The following AIRE variants were observed in gnomAD, a reference collection of about 807,000 sequenced individuals.
AIRE encodes autoimmune polyendocrinopathy candidiasis ectodermal dystrophy protein.
Under a neutral mutation model 62.1 loss-of-function variants are expected in AIRE, and 52 were observed. That is an observed-to-expected ratio of 0.84 (90% CI 0.67 to 1.06). The LOEUF (loss-of-function observed/expected upper bound fraction) is 1.06. Among genes scored for constraint, AIRE ranks in the 50% least tolerant of loss-of-function variants. AIRE has a pLI of 0.00. For missense variants in AIRE, 774 were observed against 755.8 expected, an observed-to-expected ratio of 1.02 and a Z score of -0.28; for synonymous variants, 342 against 321.6, an observed-to-expected ratio of 1.06 and a Z score of -0.68.
chr21:44,293,677 A>G lies in AIRE; in HGVS notation c.1279-112A>G. 3.3e-6 allele frequency: 5 copies of G among 1,517,550 alleles called. No homozygotes were observed. The Middle Eastern group carries it at 7.0e-4, about 213-fold the overall frequency. 94.0% of individuals were successfully genotyped at this position (1,517,550 alleles called of 1,614,324 possible). A position where few individuals can be genotyped will look rare whatever the true frequency, so the allele number is the denominator to read the frequency against. ...CGTGAGGCTCCTCACTTGCGCCTAGACCCGCCGTCCAGCCCTGGGTGGTCC... is the reference window on the plus strand; with the variant it reads ...CGTGAGGCTCCTCACTTGCGCCTAGGCCCGCCGTCCAGCCCTGGGTGGTCC... On this transcript the variant is annotated intron_variant, in intron 10 of 13. Transcript: ENST00000291582.
At chr21:44,289,067 C>T (rs974773028) in intron 5 of AIRE, 1 of 166,622 alleles carries the variant, frequency 6.0e-6, no homozygotes, top group Admixed American at 5.5e-5. Context: ...GGTCTTGCAC[C>T]TCTGGATGGT....
intron 5 of AIRE, chr21:44,288,670 C>T: frequency 1.8e-6 from 1 of 564,992 alleles, no homozygotes; most frequent in Non-Finnish European, 3.2e-6. Context: ...GGCCAGCGGT[C>T]CAGGCCCACA....
rs1942959342 is a variant in AIRE at position 44,286,031 on chromosome 21, C to T, written c.25C>T (p.Arg9Trp). The change falls in exon 1 of 14, where the codon CGG becomes TGG. Residue 9 changes from arginine (R) to tryptophan (W), a missense_variant. Transcript: ENST00000291582. The surrounding 1 kb of genome is among the most constrained non-coding windows in gnomAD (Gnocchi z 6.0). ...CATGGCGACGGACGCGGCGCTACGC[C>T]GGCTTCTGAGGCTGCACCGCACGGA... MATDAALR[R>W]LLRLHRTEIA... 6.5e-7 allele frequency: 1 copy of T among 1,535,698 alleles called. No homozygotes were observed. Among genetic ancestry groups the T allele is most frequent in the Non-Finnish European group, 8.7e-7 (1 of 1,145,038 alleles).
Position 44,287,076 on chromosome 21 carries a change from G to A in AIRE, c.406G>A (p.Glu136Lys). ...PRLPTKRKAS[E>K]EARAAAPAAL... ...ACTCCCCACCAAGAGGAAGGCCTCA[G>A]AAGAGGCTCGAGCTGCCGCGCCAGC... The change falls in exon 3 of 14, where the codon GAA becomes AAA. Residue 136 changes from glutamate (E) to lysine (K), a missense_variant. This residue lies in a region of AIRE where 385 missense variants were observed against 396.0 expected (regional missense o/e 0.97). Coordinates refer to ENST00000291582, the MANE Select transcript of AIRE (RefSeq NM_000383.4). The surrounding 1 kb of genome is among the most constrained non-coding windows in gnomAD (Gnocchi z 4.3). 1 of 1,612,454 alleles carries A rather than the reference G, an allele frequency of 6.2e-7. No individual in the cohort carries two copies. The highest frequency in any genetic ancestry group is 8.5e-7 in the Non-Finnish European group (1 of 1,179,858).
chr21:44,289,622 C>G, intron 5 of AIRE, 35 bp from the exon 6 acceptor site: 1 of 1,611,746 alleles, frequency 6.2e-7, no homozygotes, highest in Non-Finnish European at 8.5e-7. Context: ...TCCTGCTGGG[C>G]GGGTGAGCCA....
Position 44,294,495 on chromosome 21 carries a change from C to A in AIRE, c.1495C>A (p.Pro499Thr). 6.6e-7 allele frequency: 1 copy of A among 1,509,126 alleles called. No homozygotes were observed. Among genetic ancestry groups the A allele is most frequent in the South Asian group, 1.2e-5 (1 of 80,616 alleles). The allele number at this position is 1,509,126 out of a possible 1,614,324, so 93.5% of individuals were successfully genotyped here. Residue 499 changes from proline (P) to threonine (T), a missense_variant, in exon 12 of 14, where the codon CCT becomes ACT. Coordinates refer to ENST00000291582, the MANE Select transcript of AIRE (RefSeq NM_000383.4). Reference sequence around the variant, plus strand: ...CAGCCCCGCCCGCCTGGCCCCTGGGCCTGCCAAGGTCAGTGCCGCAGGGGC... The same window carrying A: ...CAGCCCCGCCCGCCTGGCCCCTGGGACTGCCAAGGTCAGTGCCGCAGGGGC... ...APSPARLAPG[P>T]AKDDTASHEP...
At position 44,286,192 on chromosome 21, in the gene AIRE, TC is replaced by T. The variant is rs1431916622; in HGVS notation, c.132+58del. 6.8e-7 allele frequency: 1 copy of T among 1,472,986 alleles called. No individual in the cohort carries two copies. The allele number at this position is 1,472,986 out of a possible 1,614,324, so 91.2% of individuals were successfully genotyped here. ...CCCAGGCCCTGTGAGCCAGGGATAGTCCCCGGGGAAGTTCCAGGAGGACCCC... is the reference window on the plus strand; with the variant it reads ...CCCAGGCCCTGTGAGCCAGGGATAGTCCCGGGGAAGTTCCAGGAGGACCCC... On this transcript the variant is annotated intron_variant, in intron 1 of 13. Transcript: ENST00000291582. The surrounding 1 kb of genome is among the most constrained non-coding windows in gnomAD (Gnocchi z 6.0).
At position 44,289,711 on chromosome 21, in the gene AIRE, T is replaced by A; in HGVS notation, c.707T>A (p.Phe236Tyr). ...GGGGAGTTCTACACTCCCAGCAAGT[T>A]CGAAGACTCCGGCAGTGGGAAGAAC... ...VGGEFYTPSK[F>Y]EDSGSGKNKA... The change falls in exon 6 of 14, where the codon TTC becomes TAC. Residue 236 changes from phenylalanine (F) to tyrosine (Y), a missense_variant. Physicochemically the swap from Phe to Tyr is conservative, Grantham distance 22. This residue lies in a region of AIRE where 385 missense variants were observed against 396.0 expected (regional missense o/e 0.97). Coordinates refer to ENST00000291582, the MANE Select transcript of AIRE (RefSeq NM_000383.4). The A allele has an allele frequency of 2.5e-6, 4 of 1,612,752 alleles. No homozygotes were observed. The highest frequency in any genetic ancestry group is 3.4e-6 in the Non-Finnish European group (4 of 1,179,946).
chr21:44,291,295 A>C, intron 8 of AIRE, 85 bp downstream of exon 8: 3 of 1,538,146 alleles, frequency 2.0e-6, no homozygotes, highest in Non-Finnish European at 1.8e-6. Context: ...AAGCCACCCC[A>C]AGCCTCTCCC....
intron 5 of AIRE, chr21:44,289,453 C>CTT: frequency 1.6e-6 from 1 of 638,944 alleles, no homozygotes; most frequent in Middle Eastern, 4.3e-4. Flanking sequence ...TGGACGTGAA[C>CTT]TTCGGGGGAC....
chr21:44,286,782 A>T lies in AIRE; in HGVS notation c.307+51A>T. On this transcript the variant is annotated intron_variant, in intron 2 of 13. Transcript: ENST00000291582. This position sits in a 1 kb window ranked among gnomAD's most constrained non-coding sequence, Gnocchi z 6.0. The stretch of plus-strand genomic sequence containing the variant: ...CTGGGGGCCTGGGGCAGCTGCTGTC[A>T]CCTGCTCAGCCCAGCTGGACTGGAA... 2 of 1,602,260 alleles carry T rather than the reference A, an allele frequency of 1.2e-6. No individual in the cohort carries two copies. The highest frequency in any genetic ancestry group is 1.7e-6 in the Non-Finnish European group (2 of 1,171,536).
At position 44,286,465 on chromosome 21, in the gene AIRE, C is replaced by G. The variant is rs1387450905; in HGVS notation, c.133-92C>G. ...GCTGTCCAGGTCGCCAGCGCCTCTG[C>G]CTGGGAGCTCCACCCTCTAGTCATG... On this transcript the variant is annotated intron_variant, in intron 1 of 13. Transcript: ENST00000291582. The surrounding 1 kb of genome is among the most constrained non-coding windows in gnomAD (Gnocchi z 6.0). The G allele has an allele frequency of 7.7e-6, 11 of 1,421,888 alleles. No individual in the cohort carries two copies. Among genetic ancestry groups the G allele is most frequent in the African/African-American group, 1.4e-5 (1 of 70,160 alleles). The allele number at this position is 1,421,888 out of a possible 1,614,324, so 88.1% of individuals were successfully genotyped here. A position where few individuals can be genotyped will look rare whatever the true frequency, so the allele number is the denominator to read the frequency against.
chr21:44,289,613 C>A (rs755765711), intron 5 of AIRE, 44 bp from the exon 6 acceptor site: 3 of 1,611,362 alleles, frequency 1.9e-6, no homozygotes, highest in South Asian at 1.1e-5. Context: ...CAAGGCAGGT[C>A]CTGCTGGGCG....
intron 5 of AIRE, 172 bp downstream of exon 5, chr21:44,288,630 G>T (rs1285501354): frequency 1.7e-6 from 1 of 602,324 alleles, no homozygotes; most frequent in East Asian, 2.8e-5. Context: ...GGTGAGCACT[G>T]AAGTCTCCCT....
At position 44,297,743 on chromosome 21, in the gene AIRE, A is replaced by C; in HGVS notation, c.*16A>C. The C allele has an allele frequency of 6.2e-7, 1 of 1,603,618 alleles. No homozygotes were observed. On this transcript the variant is annotated 3_prime_UTR_variant, in exon 14 of 14. Coordinates refer to ENST00000291582, the MANE Select transcript of AIRE (RefSeq NM_000383.4). This position sits in a 1 kb window ranked among gnomAD's most constrained non-coding sequence, Gnocchi z 4.8. ...CCCCTCCTGACCCCAGATGGCCGGG[A>C]CATGCAGCTCTGATGAGAGAGTGCT...
Position 44,297,623 on chromosome 21 carries a change from C to A in AIRE, c.1567-33C>A. The A allele has an allele frequency of 6.3e-7, 1 of 1,577,398 alleles. No individual in the cohort carries two copies. Among genetic ancestry groups the A allele is most frequent in the Non-Finnish European group, 8.7e-7 (1 of 1,150,234 alleles). On this transcript the variant is annotated intron_variant, in intron 13 of 13. Coordinates refer to ENST00000291582, the MANE Select transcript of AIRE (RefSeq NM_000383.4). The surrounding 1 kb of genome is among the most constrained non-coding windows in gnomAD (Gnocchi z 4.8). The stretch of plus-strand genomic sequence containing the variant: ...ATTCTGTGGCTGCGGCGGGGGCGCA[C>A]CTGGAGGTTCTCACCGTCACTCTGT...
In AIRE at chr21:44,289,663, C is replaced by T. The variant is rs753236604; in HGVS notation, c.659C>T (p.Ser220Phe). ...LIQQVFESGG[S>F]KKCIQVGGEF... ...AGCCGGCATCTCCTCCCAGGCGGCT[C>T]CAAGAAGTGCATCCAGGTTGGCGGG... is the stretch of plus-strand genomic sequence containing the variant. Residue 220 changes from serine (S) to phenylalanine (F), a missense_variant, in exon 6 of 14, where the codon TCC (serine) becomes TTC (phenylalanine). By Grantham distance (155) the Ser-to-Phe change is radical. Transcript: ENST00000291582. 37 of 1,612,654 alleles carry T rather than the reference C, an allele frequency of 2.3e-5. 1 individual carries two copies. In the African/African-American group the frequency reaches 4.0e-4, roughly 17 times the overall value.
At chr21:44,293,710 G>A in intron 10 of AIRE, 79 bp from the exon 11 acceptor site, 1 of 1,585,492 alleles carries the variant, frequency 6.3e-7, no homozygotes, top group Middle Eastern at 2.3e-4. Flanking sequence ...TCCCAGGGGA[G>A]AGCGCACAGG....
chr21:44,291,982 A>G (rs2040545601), intron 8 of AIRE, among the ~76,000 whole-genome samples: 2 of 152,160 alleles, frequency 1.3e-5, no homozygotes, highest in South Asian at 4.1e-4. Flanking sequence ...CAGGTGGGTC[A>G]GTTTAGGGAG....
Sources: gnomAD v4.1 joint callset for allele counts (sites outside exome capture counted in the v4.1 genomes callset) on GRCh38, gnomAD v4.1.1 for gene constraint, gnomAD v4.1.1 regional missense constraint, Gnocchi (gnomAD v3.1) non-coding constraint, MANE v1.5 for transcripts, NCBI Gene and HGNC (gene_info 2026-07-23, HGNC 2026-07-21) for gene names.